Variants in PSMA1 observed in about 807,000 individuals in gnomAD.
The protein encoded by PSMA1 is proteasome 20S subunit alpha 1.
PSMA1 carries 3 observed loss-of-function variants against 38.4 expected under a neutral mutation model. The observed-to-expected ratio is 0.08, with a 90% confidence interval of 0.04 to 0.20. PSMA1 has a LOEUF of 0.20. Among genes scored for constraint, PSMA1 ranks in the 10% least tolerant of loss-of-function variants. The pLI is 1.00. For synonymous variants in PSMA1, 101 were observed against 107.1 expected (o/e 0.94, Z 0.35); for missense variants, 227 against 325.3 (o/e 0.70, Z 2.32).
chr11:14,516,530 T>C (rs1851432810), intron 4 of PSMA1, among the ~76,000 whole-genome samples: 1 of 152,190 alleles, frequency 6.6e-6, no homozygotes, highest in Non-Finnish European at 1.5e-5. Context: ...AATCACAAAT[T>C]TACAAGATTA....
upstream of PSMA1, among the ~76,000 whole-genome samples, chr11:14,521,506 C>G (rs901270474): frequency 1.4e-5 from 2 of 142,766 alleles, no homozygotes; most frequent in Admixed American, 7.1e-5. Context: ...AAAAAAAAAG[C>G]CGGGCGCGGT....
At chr11:14,631,538 C>G (rs377653416) in intron 1 of PSMA1, among the ~76,000 whole-genome samples, 1 of 151,992 alleles carries the variant, frequency 6.6e-6, no homozygotes, top group Non-Finnish European at 1.5e-5. Context: ...AGATAGTTTG[C>G]TATAATTTCT....
At chr11:14,507,619 C>A in intron 9 of PSMA1, 37 bp downstream of exon 9, 1 of 1,396,226 alleles carries the variant, frequency 7.2e-7, no homozygotes, top group South Asian at 1.2e-5. Context: ...CAGCAGCTTA[C>A]AATAGAACTA....
intron 2 of PSMA1, among the ~76,000 whole-genome samples, chr11:14,574,345 A>T (rs1411355875): frequency 6.6e-6 from 1 of 152,174 alleles, no homozygotes; most frequent in Non-Finnish European, 1.5e-5. Context: ...CCAGCTCCAG[A>T]TGTGGCTCAA....
intron 1 of PSMA1, among the ~76,000 whole-genome samples, chr11:14,629,858 T>C (rs960588383): frequency 6.6e-6 from 1 of 152,168 alleles, no homozygotes; most frequent in Non-Finnish European, 1.5e-5. Context: ...CAGTGGTTTG[T>C]AGTTCTTCTT....
chr11:14,574,100 C>T (rs1003790519), intron 2 of PSMA1, among the ~76,000 whole-genome samples: 3 of 152,000 alleles, frequency 2.0e-5, no homozygotes, highest in Admixed American at 2.0e-4. Flanking sequence ...CACAGCCTGG[C>T]CATGTGGTAG....
intron 1 of PSMA1, among the ~76,000 whole-genome samples, chr11:14,629,537 T>C (rs939256283): frequency 2.6e-4 from 40 of 152,170 alleles, no homozygotes; most frequent in African/African-American, 7.5e-4. Flanking sequence ...ATCTCTGTTT[T>C]GGTACCAGTA....
At chr11:14,612,881 A>C (rs963769989) in intron 1 of PSMA1, among the ~76,000 whole-genome samples, 3 of 150,494 alleles carry the variant, frequency 2.0e-5, no homozygotes, top group African/African-American at 7.3e-5. Context: ...GGCAGGAGTT[A>C]GGAAGAAATC....
At chr11:14,528,079 G>A (rs1039281376) in intron 2 of PSMA1, among the ~76,000 whole-genome samples, 18 of 150,990 alleles carry the variant, frequency 1.2e-4, no homozygotes, top group African/African-American at 3.2e-4. Flanking sequence ...CTCCAAAATC[G>A]CTGAGGCCTC....
intron 2 of PSMA1, among the ~76,000 whole-genome samples, chr11:14,563,652 T>C (rs537687482): frequency 2.6e-4 from 40 of 152,126 alleles, no homozygotes; most frequent in Non-Finnish European, 5.3e-4. Flanking sequence ...ATTATGTCAG[T>C]AATATGTGTT....
chr11:14,528,337 C>T (rs1205776587), intron 2 of PSMA1, among the ~76,000 whole-genome samples: 1 of 152,094 alleles, frequency 6.6e-6, no homozygotes, highest in Admixed American at 6.6e-5. Flanking sequence ...TTTATTCGGA[C>T]CTTGTGTCTT....
chr11:14,599,501 C>T (rs750525860), intron 2 of PSMA1, among the ~76,000 whole-genome samples: 1 of 152,090 alleles, frequency 6.6e-6, no homozygotes, highest in Non-Finnish European at 1.5e-5. Context: ...TCTTCAGTAA[C>T]TGATACCCTT....
At chr11:14,632,769 C>G (rs2133721293) in intron 1 of PSMA1, among the ~76,000 whole-genome samples, 1 of 151,192 alleles carries the variant, frequency 6.6e-6, no homozygotes, top group Non-Finnish European at 1.5e-5. Context: ...TGTTTTCCAA[C>G]TTGGTTCCAT....
At chr11:14,621,640 C>A (rs1025865364) in intron 1 of PSMA1, among the ~76,000 whole-genome samples, 3 of 152,190 alleles carry the variant, frequency 2.0e-5, no homozygotes, top group Non-Finnish European at 4.4e-5. Context: ...TTTCTCTCCA[C>A]TAGCTATGAA....
chr11:14,539,864 G>GA (rs546158863), intron 2 of PSMA1, among the ~76,000 whole-genome samples: 5,189 of 119,160 alleles, frequency 0.044, 108 homozygotes, highest in Non-Finnish European at 0.061. Context: ...AACAAACAAA[G>GA]AAAAAAAAAA....
At chr11:14,593,080 C>G (rs1852442650) in intron 2 of PSMA1, among the ~76,000 whole-genome samples, 2 of 152,224 alleles carry the variant, frequency 1.3e-5, no homozygotes, top group African/African-American at 4.8e-5. Flanking sequence ...GTACAAAACA[C>G]TGTGTTGAAA....
At chr11:14,512,377 G>GA (rs1309393081) in intron 7 of PSMA1, among the ~76,000 whole-genome samples, 168 of 137,768 alleles carry the variant, frequency 1.2e-3, no homozygotes, top group Non-Finnish European at 1.0e-3. Context: ...CCCGTCTCAG[G>GA]AAAAAAAAAA....
intron 2 of PSMA1, among the ~76,000 whole-genome samples, chr11:14,536,155 T>C (rs1252884386): frequency 6.6e-6 from 1 of 152,212 alleles, no homozygotes; most frequent in East Asian, 1.9e-4. Context: ...TTGATCACCT[T>C]ACTATATACT....
chr11:14,612,931 A>G (rs1852726911), intron 1 of PSMA1, among the ~76,000 whole-genome samples: 2 of 152,062 alleles, frequency 1.3e-5, no homozygotes, highest in South Asian at 4.1e-4. Context: ...TGGGCAGATG[A>G]GTGATAAAAG....
Sources: allele counts gnomAD v4.1 joint callset (sites outside exome capture counted in the v4.1 genomes callset), GRCh38; gene constraint gnomAD v4.1.1; transcripts MANE v1.5; gene names NCBI Gene and HGNC (gene_info 2026-07-23, HGNC 2026-07-21).